The following ATP2A3 variants were observed in gnomAD, a reference collection of about 807,000 sequenced individuals.
ATP2A3 encodes ATPase sarcoplasmic/endoplasmic reticulum Ca2+ transporting 3.
A neutral mutation model predicts 106.8 loss-of-function variants in ATP2A3; 61 were observed. The ratio of observed to expected loss-of-function variants is 0.57; its 90% CI spans 0.46 to 0.71. The LOEUF is 0.71. ATP2A3 is among the 30% of genes least tolerant of loss of function. ATP2A3 has a pLI of 0.00. For synonymous variants in ATP2A3, 611 were observed against 609.3 expected (o/e 1.00, Z -0.04); for missense variants, 1,201 against 1,423.5 (o/e 0.84, Z 2.52).
At position 3,928,558 on chromosome 17, in the gene ATP2A3, G is replaced by T; in HGVS notation, c.2980+105C>A. 2 of 1,124,644 alleles carry T rather than the reference G, an allele frequency of 1.8e-6. No homozygotes were observed. The highest frequency in any genetic ancestry group is 1.3e-6 in the Non-Finnish European group (1 of 762,852). The allele number at this position is 1,124,644 out of a possible 1,614,324, so 69.7% of individuals were successfully genotyped here. ...TGATCCGAGAACGCCTCCCCGATGTGCAGACAGAGAGGCTCTGCGCTCCAC... is the reference window on the plus strand; with the variant it reads ...TGATCCGAGAACGCCTCCCCGATGTTCAGACAGAGAGGCTCTGCGCTCCAC... On this transcript the variant is annotated intron_variant, in intron 20 of 20. Coordinates refer to ENST00000397041, the MANE Select transcript of ATP2A3 (RefSeq NM_005173.4). The surrounding 1 kb of genome is among the most constrained non-coding windows in gnomAD (Gnocchi z 6.1).
chr17:3,948,902 GC>G (rs1464442481), intron 7 of ATP2A3, among the ~76,000 whole-genome samples: 1 of 152,060 alleles, frequency 6.6e-6, no homozygotes, highest in Non-Finnish European at 1.5e-5. Context: ...GCCAAGGCGG[GC>G]AGATCACCTG....
rs773453016 is a variant in ATP2A3, at chr17:3,951,659, C to T, written c.246G>A (p.Glu82=). Residue 82 remains glutamate, a synonymous_variant, in exon 4 of 21, where the codon GAG becomes GAA. Coordinates refer to ENST00000397041, the MANE Select transcript of ATP2A3 (RefSeq NM_005173.4). ...GCTCCACGAAGGCGGTCGTGGTCTC[C>T]TCGCCCTCCTCGAACCAGGCCAGGA... ...SFVLAWFEEG[E]ETTTAFVEPL... is the part of the protein sequence containing the mutation. 1.4e-5 allele frequency: 22 copies of T among 1,610,548 alleles called. No individual in the cohort carries two copies. In the South Asian group the frequency reaches 1.4e-4, roughly 11 times the overall value.
rs951496679 is a variant in ATP2A3, at chr17:3,926,279, G to C, written c.2981-838C>G. Reference sequence around the variant, plus strand: ...CGCAAAGGGTCCCTCTCTCACCCCCGCCCCGTCTGGCTTTAGGAGGCCCCA... The same window carrying C: ...CGCAAAGGGTCCCTCTCTCACCCCCCCCCCGTCTGGCTTTAGGAGGCCCCA... On this transcript the variant is annotated intron_variant, in intron 20 of 20. Coordinates refer to ENST00000397041, the MANE Select transcript of ATP2A3 (RefSeq NM_005173.4). The surrounding 1 kb of genome is among the most constrained non-coding windows in gnomAD (Gnocchi z 4.6). 6.6e-6 allele frequency among the ~76,000 whole-genome samples: 1 copy of C among 152,100 alleles called. No individual in the cohort carries two copies. Among genetic ancestry groups the C allele is most frequent in the East Asian group, 1.9e-4 (1 of 5,190 alleles).
intron 1 of ATP2A3, among the ~76,000 whole-genome samples, chr17:3,959,869 T>C (rs2055043441): frequency 1.3e-5 from 2 of 152,172 alleles, no homozygotes; most frequent in Non-Finnish European, 2.9e-5. Flanking sequence ...GAGCTGGAGA[T>C]GAAGGGTTTG....
chr17:3,924,686 G>A lies in ATP2A3; in HGVS notation c.*736C>T, dbSNP rs2052611236. 1 of 430,816 alleles carries A rather than the reference G, an allele frequency of 2.3e-6. No individual in the cohort carries two copies. The highest frequency in any genetic ancestry group is 2.4e-5 in the Admixed American group (1 of 40,844). 26.7% of individuals were successfully genotyped at this position (430,816 alleles called of 1,614,324 possible). A position where few individuals can be genotyped will look rare whatever the true frequency, so the allele number is the denominator to read the frequency against. ...GAACCCTGAGTCCAGGAGGCGCGCG[G>A]GGCTGAGGCAGTCCAGCCAGGCTTT... On this transcript the variant is annotated 3_prime_UTR_variant, in exon 21 of 21. Coordinates refer to ENST00000397041, the MANE Select transcript of ATP2A3 (RefSeq NM_005173.4). This position sits in a 1 kb window ranked among gnomAD's most constrained non-coding sequence, Gnocchi z 6.4.
At position 3,928,424 on chromosome 17, in the gene ATP2A3, C is replaced by G; in HGVS notation, c.2980+239G>C. 8.0e-7 allele frequency: 1 copy of G among 1,245,464 alleles called. No homozygotes were observed. Among genetic ancestry groups the G allele is most frequent in the South Asian group, 1.3e-5 (1 of 78,932 alleles). 77.2% of individuals were successfully genotyped at this position (1,245,464 alleles called of 1,614,324 possible). On this transcript the variant is annotated intron_variant, in intron 20 of 20. Transcript: ENST00000397041. This position sits in a 1 kb window ranked among gnomAD's most constrained non-coding sequence, Gnocchi z 6.1. ...GTGAAGACAGTGAGGCAGTGTGGCC[C>G]AAGAGGTGCTCCCGTTGCTGGCCCA...
chr17:3,932,919 C>T (rs1417707307), intron 17 of ATP2A3, among the ~76,000 whole-genome samples: 1 of 151,806 alleles, frequency 6.6e-6, no homozygotes. Context: ...ACACACCTCC[C>T]ACTCGGGCAT....
intron 17 of ATP2A3, 65 bp downstream of exon 17, chr17:3,935,127 C>T: frequency 5.8e-6 from 9 of 1,546,738 alleles, no homozygotes; most frequent in Non-Finnish European, 8.0e-6. Flanking sequence ...CTAGACCCAT[C>T]TCCCCTGGAA....
Position 3,951,269 on chromosome 17 carries a change from C to T in ATP2A3, c.445G>A (p.Asp149Asn). ...GGCATACCTGCCACTTCTACAATGT[C>T]CCCTGGGACGATGTCCCGGGCACGG... The part of the protein sequence containing the change: ...RIRARDIVPG[D>N]IVEVAVGDKV... Residue 149 changes from aspartate (D) to asparagine (N), a missense_variant, in exon 5 of 21, where the codon GAC (aspartate) becomes AAC (asparagine). By Grantham distance (23) the Asp-to-Asn change is conservative (BLOSUM62 1). Coordinates refer to ENST00000397041, the MANE Select transcript of ATP2A3 (RefSeq NM_005173.4). 2 of 1,613,398 alleles carry T rather than the reference C, an allele frequency of 1.2e-6. No individual in the cohort carries two copies. Among genetic ancestry groups the T allele is most frequent in the Non-Finnish European group, 1.7e-6 (2 of 1,179,840 alleles).
In ATP2A3 at chr17:3,957,148, C is replaced by T. The variant is rs117850352; in HGVS notation, c.119-3438G>A. On this transcript the variant is annotated intron_variant, in intron 1 of 20. Transcript: ENST00000397041. ...AGCAGCAGCAGCTGGTGGTGTGCGC[C>T]AGACACCCTGCTAACTCCTTGCGTG... Among the ~76,000 whole-genome samples the T allele has an allele frequency of 9.8e-5, 15 of 152,360 alleles. No homozygotes were observed. In the East Asian group the frequency reaches 2.9e-3, roughly 29 times the overall value.
chr17:3,937,212 T>G, intron 15 of ATP2A3: 4 of 647,108 alleles, frequency 6.2e-6, no homozygotes, highest in Non-Finnish European at 1.1e-5. Flanking sequence ...GGGGTGACCA[T>G]GATCCATAGG....
Position 3,936,603 on chromosome 17 carries a change from G to T in ATP2A3, c.2322-134C>A. 1 of 930,814 alleles carries T rather than the reference G, an allele frequency of 1.1e-6. No homozygotes were observed. The highest frequency in any genetic ancestry group is 1.7e-6 in the Non-Finnish European group (1 of 586,272). The allele number at this position is 930,814 out of a possible 1,614,324, so 57.7% of individuals were successfully genotyped here. A position where few individuals can be genotyped will look rare whatever the true frequency, so the allele number is the denominator to read the frequency against. ...ACAGCAGCCCCTCCTCCCTCCGCCA[G>T]CTGTGATGTGAAGGGTGTGTGTACA... is the stretch of plus-strand genomic sequence containing the variant. On this transcript the variant is annotated intron_variant, in intron 15 of 20. Coordinates refer to ENST00000397041, the MANE Select transcript of ATP2A3 (RefSeq NM_005173.4). This position sits in a 1 kb window ranked among gnomAD's most constrained non-coding sequence, Gnocchi z 5.4.
At chr17:3,958,741 TAG>T (rs374841968) in intron 1 of ATP2A3, among the ~76,000 whole-genome samples, 1,218 of 65,470 alleles carry the variant, frequency 0.019, 106 homozygotes, top group African/African-American at 0.064. Flanking sequence ...CACATATATA[TAG>T]ACACACATAT....
In ATP2A3 at chr17:3,930,472, C is replaced by A; in HGVS notation, c.2611-38G>T. The A allele has an allele frequency of 6.2e-7, 1 of 1,611,506 alleles. No individual in the cohort carries two copies. The highest frequency in any genetic ancestry group is 1.1e-5 in the South Asian group (1 of 90,944). On this transcript the variant is annotated intron_variant, in intron 17 of 20. Transcript: ENST00000397041. This position sits in a 1 kb window ranked among gnomAD's most constrained non-coding sequence, Gnocchi z 5.4. ...TGGCAGGTCAGAGAGAGCGGCAGGT[C>A]AGGCGAGGGGCTGGTGGGTGGGAGG... is the stretch of plus-strand genomic sequence containing the variant.
chr17:3,933,367 C>T (rs115980278), intron 17 of ATP2A3, among the ~76,000 whole-genome samples: 1,801 of 151,236 alleles, frequency 0.012, 99 homozygotes, highest in African/African-American at 0.042. Flanking sequence ...TGGGTTTCAC[C>T]AGCAAGCACC....
rs780026105 is a variant in ATP2A3, at chr17:3,953,754, A to C, written c.119-44T>G. On this transcript the variant is annotated intron_variant, in intron 1 of 20. Coordinates refer to ENST00000397041, the MANE Select transcript of ATP2A3 (RefSeq NM_005173.4). This position sits in a 1 kb window ranked among gnomAD's most constrained non-coding sequence, Gnocchi z 5.1. Reference sequence around the variant, plus strand: ...CACGGGAGCCATGAGGAGACAAGAGAGGAGTGGGTCACGCAGGGGCCTCGG... The same window carrying C: ...CACGGGAGCCATGAGGAGACAAGAGCGGAGTGGGTCACGCAGGGGCCTCGG... 7.7e-6 allele frequency: 12 copies of C among 1,563,804 alleles called. No homozygotes were observed. Among genetic ancestry groups the C allele is most frequent in the Admixed American group, 3.8e-5 (2 of 52,562 alleles).
At chr17:3,945,909 C>A (rs766965953) in intron 8 of ATP2A3, among the ~76,000 whole-genome samples, 7 of 152,234 alleles carry the variant, frequency 4.6e-5, no homozygotes, top group African/African-American at 1.4e-4. Context: ...AGCCCAGCAT[C>A]CAGCACGTAA....
chr17:3,942,584 G>C (rs1185143644), intron 12 of ATP2A3, 22 bp downstream of exon 12: 1 of 1,606,514 alleles, frequency 6.2e-7, no homozygotes, highest in Admixed American at 1.7e-5. Context: ...CAGGGGCCCA[G>C]GCCAGCCAGG....
In ATP2A3 at chr17:3,928,463, C is replaced by T. The variant is rs2052841970; in HGVS notation, c.2980+200G>A. 4.0e-6 allele frequency: 4 copies of T among 1,004,826 alleles called. No homozygotes were observed. The highest frequency in any genetic ancestry group is 6.1e-6 in the Non-Finnish European group (4 of 659,290). 62.2% of individuals were successfully genotyped at this position (1,004,826 alleles called of 1,614,324 possible). A position where few individuals can be genotyped will look rare whatever the true frequency, so the allele number is the denominator to read the frequency against. Reference sequence around the variant, plus strand: ...GTTGCTGGCCCAGTGAGCCCAGGTCCCCTGCAGTGCAAGACCCTGCGGACA... The same window carrying T: ...GTTGCTGGCCCAGTGAGCCCAGGTCTCCTGCAGTGCAAGACCCTGCGGACA... On this transcript the variant is annotated intron_variant, in intron 20 of 20. Coordinates refer to ENST00000397041, the MANE Select transcript of ATP2A3 (RefSeq NM_005173.4). This position sits in a 1 kb window ranked among gnomAD's most constrained non-coding sequence, Gnocchi z 6.1.
Sources: allele counts gnomAD v4.1 joint callset (sites outside exome capture counted in the v4.1 genomes callset), GRCh38; gene constraint gnomAD v4.1.1; non-coding constraint Gnocchi (gnomAD v3.1); transcripts MANE v1.5; gene names NCBI Gene and HGNC (gene_info 2026-07-23, HGNC 2026-07-21).